The following GPR107 variants were observed in gnomAD, a reference collection of about 807,000 sequenced individuals.
The protein encoded by GPR107 is protein GPR107.
A neutral mutation model predicts 75.5 loss-of-function variants in GPR107; 31 were observed. The observed-to-expected ratio is 0.41, with a 90% confidence interval of 0.31 to 0.55. GPR107 has a LOEUF of 0.55. GPR107 is among the 20% of genes least tolerant of loss of function. GPR107 has a pLI of 0.26. For synonymous variants in GPR107, 267 were observed against 251.3 expected, an observed-to-expected ratio of 1.06 and a Z score of -0.59; for missense variants, 572 against 665.7, an observed-to-expected ratio of 0.86 and a Z score of 1.55.
chr9:130,077,812 G>A (rs903407719), intron 4 of GPR107, among the ~76,000 whole-genome samples: 4 of 152,176 alleles, frequency 2.6e-5, no homozygotes, highest in African/African-American at 7.2e-5. Context: ...TACCTACTTC[G>A]TGATGATGGT....
intron 15 of GPR107, 122 bp from the exon 16 acceptor site, chr9:130,127,361 A>T (rs866257249): frequency 1.5e-6 from 1 of 665,704 alleles, no homozygotes; most frequent in Non-Finnish European, 2.7e-6. Context: ...TGTAAGTGTC[A>T]CATACTTTTC....
rs760839880 is a variant in GPR107, at chr9:130,092,208, T to C, written c.730-40T>C. The stretch of plus-strand genomic sequence containing the variant: ...CCAAATTGCTGAATAAGGGATGATA[T>C]GTTTCTGAAAAGTAAAAATTAATTT... On this transcript the variant is annotated intron_variant, in intron 8 of 17. Transcript: ENST00000347136. 28 of 1,572,112 alleles carry C rather than the reference T, an allele frequency of 1.8e-5. No individual in the cohort carries two copies. The African/African-American group carries it at 2.0e-4, about 11-fold the overall frequency.
At chr9:130,123,924 A>G (rs1831612717) in intron 14 of GPR107, among the ~76,000 whole-genome samples, 2 of 152,228 alleles carry the variant, frequency 1.3e-5, no homozygotes, top group Admixed American at 6.5e-5. Context: ...CTGCAGCCCC[A>G]GAGGCAGGTG....
intron 1 of GPR107, among the ~76,000 whole-genome samples, chr9:130,055,114 A>G (rs1418189912): frequency 6.6e-6 from 1 of 152,132 alleles, no homozygotes; most frequent in Middle Eastern, 3.2e-3. Flanking sequence ...GACATAGAAA[A>G]GTAAATTGTT....
chr9:130,127,613 TAA>T, intron 16 of GPR107, 47 bp downstream of exon 16: 1 of 1,004,632 alleles, frequency 1.0e-6, no homozygotes, highest in South Asian at 1.3e-5. Flanking sequence ...TGCCTGAGGA[TAA>T]AGTCTTGAAG....
At chr9:130,091,997 AT>A (rs1172299057) in intron 8 of GPR107, among the ~76,000 whole-genome samples, 2 of 150,098 alleles carry the variant, frequency 1.3e-5, no homozygotes, top group African/African-American at 4.9e-5. Flanking sequence ...CCTGGCCCTA[AT>A]TTTTTTTGTG....
chr9:130,134,947 T>C (rs1831913205), intron 17 of GPR107, 78 bp from the exon 18 acceptor site: 1 of 812,298 alleles, frequency 1.2e-6, no homozygotes, highest in Non-Finnish European at 2.1e-6. Context: ...TCAGTCCTAA[T>C]CACCGTGCTG....
intron 14 of GPR107, among the ~76,000 whole-genome samples, chr9:130,115,530 C>T (rs978330930): frequency 3.3e-5 from 5 of 151,624 alleles, no homozygotes; most frequent in African/African-American, 1.2e-4. Context: ...TTCGGGAAGA[C>T]GAGGTAGGTG....
chr9:130,064,219 C>T (rs1377822248), intron 1 of GPR107, among the ~76,000 whole-genome samples: 3 of 114,000 alleles, frequency 2.6e-5, no homozygotes, highest in African/African-American at 1.1e-4. Flanking sequence ...GAGACGGAGT[C>T]TCGCTCTGTC....
At chr9:130,078,086 A>C in intron 4 of GPR107, among the ~76,000 whole-genome samples, 1 of 151,564 alleles carries the variant, frequency 6.6e-6, no homozygotes, top group Admixed American at 6.6e-5. Flanking sequence ...AATGGTGTGA[A>C]CCCAGGAGGC....
chr9:130,083,877 T>TACTC (rs1451593816), intron 6 of GPR107, among the ~76,000 whole-genome samples: 2 of 151,932 alleles, frequency 1.3e-5, no homozygotes, highest in African/African-American at 4.8e-5. Flanking sequence ...ATCTCTGGAG[T>TACTC]ACTCATGATA....
intron 13 of GPR107, among the ~76,000 whole-genome samples, chr9:130,106,258 G>C (rs1052927796): frequency 3.9e-5 from 6 of 151,984 alleles, no homozygotes; most frequent in Non-Finnish European, 5.9e-5. Flanking sequence ...AAAAATTACT[G>C]TAAAATGAAA....
rs1266442660 is a variant in GPR107, at chr9:130,054,049, C to T, written c.117C>T (p.Gly39=). 7 of 1,554,356 alleles carry T rather than the reference C, an allele frequency of 4.5e-6. No individual in the cohort carries two copies. The highest frequency in any genetic ancestry group is 6.1e-6 in the Non-Finnish European group (7 of 1,148,950). ...LLQLLAEPGL[G]RVHHLALKDD... ...AGTTGCTGGCCGAGCCTGGCCTGGG[C>T]CGCGTCCATCACCTGGCACTCAAGG... The change falls in exon 1 of 18, where the codon GGC becomes GGT. Residue 39 remains glycine, a synonymous_variant. Transcript: ENST00000347136.
At position 130,056,924 on chromosome 9, in the gene GPR107, C is replaced by CAAAAAAA. The variant is rs11442007; in HGVS notation, c.141+2872_141+2878dup. Reference sequence around the variant, plus strand: ...TGGGTGACAGAGCGAGACTCCTTCTCAAAAAAAAAAAAAAAAAAAAAAAAA... The same window carrying CAAAAAAA: ...TGGGTGACAGAGCGAGACTCCTTCTCAAAAAAAAAAAAAAAAAAAAAAAAAAAAAAAA... On this transcript the variant is annotated intron_variant, in intron 1 of 17. Coordinates refer to ENST00000347136, the MANE Select transcript of GPR107 (RefSeq NM_020960.5). Among the ~76,000 whole-genome samples, 17 of 42,888 alleles carry CAAAAAAA rather than the reference C, an allele frequency of 4.0e-4. 2 individuals carry two copies. Among genetic ancestry groups the CAAAAAAA allele is most frequent in the South Asian group, 1.2e-3 (1 of 838 alleles). The allele number at this position is 42,888 out of a possible 152,430, so 28.1% of individuals were successfully genotyped here. A position where few individuals can be genotyped will look rare whatever the true frequency, so the allele number is the denominator to read the frequency against.
Position 130,077,937 on chromosome 9 carries a change from G to A in GPR107, c.386+559G>A, listed in dbSNP as rs146915201. ...TCCCAGCCCTTTGGGAGGCCGAGGCGGACGGATCACGAGGTCAGGAGATTG... is the reference window on the plus strand; with the variant it reads ...TCCCAGCCCTTTGGGAGGCCGAGGCAGACGGATCACGAGGTCAGGAGATTG... On this transcript the variant is annotated intron_variant, in intron 4 of 17. Coordinates refer to ENST00000347136, the MANE Select transcript of GPR107 (RefSeq NM_020960.5). Among the ~76,000 whole-genome samples, 56 of 152,256 alleles carry A rather than the reference G, an allele frequency of 3.7e-4. No homozygotes were observed. The East Asian group carries it at 9.1e-3, about 25-fold the overall frequency.
intron 1 of GPR107, among the ~76,000 whole-genome samples, chr9:130,054,511 C>T (rs118092994): frequency 0.013 from 1,967 of 152,318 alleles, 20 homozygotes; most frequent in Non-Finnish European, 0.021. Flanking sequence ...ACCTTAGCCT[C>T]AGTTTCCCAT....
At chr9:130,064,003 C>T (rs1266384614) in intron 1 of GPR107, among the ~76,000 whole-genome samples, 4 of 151,204 alleles carry the variant, frequency 2.6e-5, no homozygotes, top group Non-Finnish European at 5.9e-5. Context: ...CGGGGTTACA[C>T]CATGCTGGCC....
In GPR107 at chr9:130,101,203, A is replaced by G; in HGVS notation, c.1111A>G (p.Met371Val). Residue 371 changes from methionine (M) to valine (V), a missense_variant, in exon 12 of 18, where the codon ATG becomes GTG. Physicochemically the swap from Met to Val is conservative, Grantham distance 21. Transcript: ENST00000347136. ...ILSDKDKKIF[M>V]IVIPLQVLAN... is the part of the protein sequence containing the mutation. ...TTCTGATAAAGACAAAAAGATCTTC[A>G]TGATTGTCATTCCACTCCAGGTAAA... 2.6e-6 allele frequency: 4 copies of G among 1,564,088 alleles called. No individual in the cohort carries two copies. Among genetic ancestry groups the G allele is most frequent in the Non-Finnish European group, 3.5e-6 (4 of 1,134,194 alleles).
chr9:130,105,833 C>A (rs1831143106), intron 13 of GPR107, among the ~76,000 whole-genome samples: 1 of 151,050 alleles, frequency 6.6e-6, no homozygotes, highest in Non-Finnish European at 1.5e-5. Flanking sequence ...CCATACCCAG[C>A]CAATTTTTTG....
Sources: allele counts gnomAD v4.1 joint callset (sites outside exome capture counted in the v4.1 genomes callset), GRCh38; gene constraint gnomAD v4.1.1; transcripts MANE v1.5; gene names NCBI Gene and HGNC (gene_info 2026-07-23, HGNC 2026-07-21).